ARL2: variants seen among roughly 807,000 people sequenced by gnomAD.
ARL2 encodes the protein ARF like GTPase 2, also known as ADP-ribosylation factor-like protein 2.
In ARL2, 11 loss-of-function variants were observed where a neutral mutation model predicts 22.0. The ratio of observed to expected loss-of-function variants is 0.50; its 90% confidence interval spans 0.31 to 0.83. The LOEUF (loss-of-function observed/expected upper bound fraction) is 0.83, where lower values mean the gene tolerates loss of function less well. Among genes scored for constraint, ARL2 ranks in the 40% least tolerant of loss-of-function variants. ARL2 has a pLI of 0.04. For missense variants in ARL2, 216 were observed against 243.2 expected, an observed-to-expected ratio of 0.89 and a Z score of 0.74; for synonymous variants, 111 against 100.8, an observed-to-expected ratio of 1.10 and a Z score of -0.61.
intron 4 of ARL2, among the ~76,000 whole-genome samples, chr11:65,021,163 C>T (rs1239919777): frequency 2.6e-5 from 4 of 152,222 alleles, no homozygotes; most frequent in Non-Finnish European, 4.4e-5. Flanking sequence ...GTGAAGCAGG[C>T]TCACAGAGGT....
At chr11:65,017,321 G>A (rs754161402) in intron 1 of ARL2, among the ~76,000 whole-genome samples, 8 of 151,332 alleles carry the variant, frequency 5.3e-5, no homozygotes, top group South Asian at 2.1e-4. Context: ...TCAGCCTCCC[G>A]AGTAGCTGGG....
Position 65,018,232 on chromosome 11 carries a change from C to G in ARL2, c.66-132C>G. 1.5e-6 allele frequency: 1 copy of G among 669,518 alleles called. No homozygotes were observed. Among genetic ancestry groups the G allele is most frequent in the South Asian group, 1.9e-5 (1 of 51,516 alleles). The allele number at this position is 669,518 out of a possible 1,614,324, so 41.5% of individuals were successfully genotyped here. ...TTGATACTTTCATATTTATTGTGGG[C>G]CGATTATGGTCAGGCATGTGCTCAA... On this transcript the variant is annotated intron_variant, in intron 1 of 4. Coordinates refer to ENST00000246747, the MANE Select transcript of ARL2 (RefSeq NM_001667.4). This position sits in a 1 kb window ranked among gnomAD's most constrained non-coding sequence, Gnocchi z 4.2.
chr11:65,014,497 G>C (rs1946224655), intron 1 of ARL2, among the ~76,000 whole-genome samples: 1 of 152,242 alleles, frequency 6.6e-6, no homozygotes, highest in Non-Finnish European at 1.5e-5. Context: ...TGCAGGCGCA[G>C]CGGCGGGGCT....
intron 4 of ARL2, chr11:65,021,410 C>T (rs1386167131): frequency 6.4e-6 from 2 of 313,912 alleles, no homozygotes; most frequent in Non-Finnish European, 1.2e-5. Flanking sequence ...CTCATGAGGG[C>T]TTGAGGAGAA....
chr11:65,021,714 C>G lies in ARL2; in HGVS notation c.421-7C>G. On this transcript the variant is annotated splice_region_variant and splice_polypyrimidine_tract_variant and intron_variant, in intron 4 of 4. Coordinates refer to ENST00000246747, the MANE Select transcript of ARL2 (RefSeq NM_001667.4). ...GGCCACCACCATCAGCACCTTTGTC[C>G]TCCCAGGTCCTGGAGCTGGACTCCA... 1 of 1,594,356 alleles carries G rather than the reference C, an allele frequency of 6.3e-7. No individual in the cohort carries two copies. Among genetic ancestry groups the G allele is most frequent in the Non-Finnish European group, 8.5e-7 (1 of 1,170,674 alleles).
chr11:65,017,957 G>C (rs1262625317), intron 1 of ARL2, among the ~76,000 whole-genome samples: 1 of 152,202 alleles, frequency 6.6e-6, no homozygotes, highest in African/African-American at 2.4e-5. Flanking sequence ...GGCCTTCCCC[G>C]GCACCTGAGC....
chr11:65,021,977 G>GCTGCTA lies in ARL2; in HGVS notation c.*128_*133dup. The GCTGCTA allele has an allele frequency of 7.3e-7, 1 of 1,371,496 alleles. No homozygotes were observed. Among genetic ancestry groups the GCTGCTA allele is most frequent in the Non-Finnish European group, 9.9e-7 (1 of 1,013,966 alleles). 85.0% of individuals were successfully genotyped at this position (1,371,496 alleles called of 1,614,324 possible). A position where few individuals can be genotyped will look rare whatever the true frequency, so the allele number is the denominator to read the frequency against. The stretch of plus-strand genomic sequence containing the variant: ...TCCCCCTCCTCCACCCCAGCCTGCT[G>GCTGCTA]CTGCTACTGCTGCCCGCTGCTGCTC... On this transcript the variant is annotated 3_prime_UTR_variant, in exon 5 of 5. Transcript: ENST00000246747.
chr11:65,018,667 G>A lies in ARL2; in HGVS notation c.273G>A (p.Val91=), dbSNP rs376934064. 6.2e-7 allele frequency: 1 copy of A among 1,614,108 alleles called. No homozygotes were observed. Among genetic ancestry groups the A allele is most frequent in the Non-Finnish European group, 8.5e-7 (1 of 1,180,054 alleles). ...GCACCGATGGCCTCATCTGGGTAGTGGACAGCGCAGACCGCCAGCGCATGC... is the reference window on the plus strand; with the variant it reads ...GCACCGATGGCCTCATCTGGGTAGTAGACAGCGCAGACCGCCAGCGCATGC... The part of the protein sequence containing the change: ...FESTDGLIWV[V]DSADRQRMQD... Residue 91 remains valine, a synonymous_variant, in exon 3 of 5, where the codon GTG becomes GTA. Transcript: ENST00000246747. This position sits in a 1 kb window ranked among gnomAD's most constrained non-coding sequence, Gnocchi z 4.2.
At chr11:65,020,527 C>G in intron 4 of ARL2, 28 bp downstream of exon 4, 1 of 1,573,524 alleles carries the variant, frequency 6.4e-7, no homozygotes, top group South Asian at 1.1e-5. Context: ...GACAGGCTCG[C>G]TGAGGGAAAG....
rs375730001 is a variant in ARL2 at position 65,021,855 on chromosome 11, A to C, written c.555A>C (p.Ter185CysextTer31). Residue 185 changes from the stop codon to cysteine, a stop_lost, in exon 5 of 5, where the codon TGA (stop) becomes TGC (cysteine). Coordinates refer to ENST00000246747, the MANE Select transcript of ARL2 (RefSeq NM_001667.4). ...DISSRIFTAD[*>C] ...CCAGCCGCATTTTCACAGCTGACTGAACCACTCCAGATGCCCCCCACCTAG... is the reference window on the plus strand; with the variant it reads ...CCAGCCGCATTTTCACAGCTGACTGCACCACTCCAGATGCCCCCCACCTAG... 4.3e-6 allele frequency: 7 copies of C among 1,611,870 alleles called. No individual in the cohort carries two copies. In the African/African-American group the frequency reaches 9.3e-5, roughly 22 times the overall value.
At chr11:65,021,565 A>T in intron 4 of ARL2, 156 bp from the exon 5 acceptor site, 1 of 948,820 alleles carries the variant, frequency 1.1e-6, no homozygotes, top group Non-Finnish European at 1.5e-6. Context: ...GGTCTGACAA[A>T]CTCTCCCTGG....
intron 4 of ARL2, among the ~76,000 whole-genome samples, 199 bp downstream of exon 4, chr11:65,020,698 G>A (rs554143910): frequency 8.5e-5 from 13 of 152,112 alleles, no homozygotes; most frequent in East Asian, 7.8e-4. Context: ...ATGAAACCCC[G>A]TCTGTACTAA....
chr11:65,018,193 A>G lies in ARL2; in HGVS notation c.66-171A>G, dbSNP rs1358274033. On this transcript the variant is annotated intron_variant, in intron 1 of 4. Coordinates refer to ENST00000246747, the MANE Select transcript of ARL2 (RefSeq NM_001667.4). This position sits in a 1 kb window ranked among gnomAD's most constrained non-coding sequence, Gnocchi z 4.2. ...ATTAAGGAGCCTTTGGTCAGTAGAG[A>G]TGATATTTATAATTTGATACTTTCA... Among the ~76,000 whole-genome samples the G allele has an allele frequency of 1.3e-5, 2 of 152,204 alleles. No individual in the cohort carries two copies. Among genetic ancestry groups the G allele is most frequent in the Admixed American group, 1.3e-4 (2 of 15,274 alleles).
intron 3 of ARL2, chr11:65,019,014 T>A (rs886959544): frequency 7.7e-7 from 1 of 1,294,534 alleles, no homozygotes; most frequent in Non-Finnish European, 1.0e-6. Flanking sequence ...TTAGGGAGGA[T>A]AACCCAAGGC....
At position 65,018,610 on chromosome 11, in the gene ARL2, C is replaced by T. The variant is rs2136907813; in HGVS notation, c.216C>T (p.Ser72=). ...TCTGGGATGTGGGTGGCCAGAAGTC[C>T]CTGCGGTCCTACTGGCGGAACTACT... ...LNIWDVGGQK[S]LRSYWRNYFE... The change falls in exon 3 of 5, where the codon TCC becomes TCT. Residue 72 remains serine (S), a synonymous_variant. Transcript: ENST00000246747. This position sits in a 1 kb window ranked among gnomAD's most constrained non-coding sequence, Gnocchi z 4.2. 1 of 1,613,268 alleles carries T rather than the reference C, an allele frequency of 6.2e-7. No individual in the cohort carries two copies. The highest frequency in any genetic ancestry group is 8.5e-7 in the Non-Finnish European group (1 of 1,179,634).
rs1458999754 is a variant in ARL2, at chr11:65,018,895, G to T, written c.339+162G>T. On this transcript the variant is annotated intron_variant, in intron 3 of 4. Coordinates refer to ENST00000246747, the MANE Select transcript of ARL2 (RefSeq NM_001667.4). The surrounding 1 kb of genome is among the most constrained non-coding windows in gnomAD (Gnocchi z 4.2). ...CCATGGTGCCAGAGGCAGGACACATGCTGTGGACTGAGATTGAGTTAACGT... is the reference window on the plus strand; with the variant it reads ...CCATGGTGCCAGAGGCAGGACACATTCTGTGGACTGAGATTGAGTTAACGT... The T allele has an allele frequency of 6.5e-7, 1 of 1,534,634 alleles. No individual in the cohort carries two copies. The highest frequency in any genetic ancestry group is 8.7e-7 in the Non-Finnish European group (1 of 1,146,322).
At chr11:65,021,657 G>A (rs1946328800) in intron 4 of ARL2, 64 bp from the exon 5 acceptor site, 3 of 1,521,050 alleles carry the variant, frequency 2.0e-6, no homozygotes, top group East Asian at 4.6e-5. Flanking sequence ...GGGGAGGGAA[G>A]GGGCTGACGG....
At chr11:65,017,020 C>G (rs11231925) in intron 1 of ARL2, among the ~76,000 whole-genome samples, 4,752 of 152,098 alleles carry the variant, frequency 0.031, 239 homozygotes, top group African/African-American at 0.11. Flanking sequence ...GGGGACTGAC[C>G]TTGGTAAGGA....
chr11:65,021,116 A>G (rs1228317371), intron 4 of ARL2, among the ~76,000 whole-genome samples: 2 of 152,096 alleles, frequency 1.3e-5, no homozygotes, highest in East Asian at 3.9e-4. Context: ...CATTCTCACA[A>G]CCACCTCATG....
Sources: gnomAD v4.1 joint callset for allele counts (sites outside exome capture counted in the v4.1 genomes callset) on GRCh38, gnomAD v4.1.1 for gene constraint, Gnocchi (gnomAD v3.1) non-coding constraint, MANE v1.5 for transcripts, NCBI Gene and HGNC (gene_info 2026-07-23, HGNC 2026-07-21) for gene names.